The following SPATA13 variants were observed in gnomAD, a reference collection of about 807,000 sequenced individuals.
SPATA13 encodes spermatogenesis-associated protein 13.
SPATA13 carries 50 observed loss-of-function variants against 104.0 expected under a neutral mutation model. The ratio of observed to expected loss-of-function variants is 0.48; its 90% CI spans 0.38 to 0.61. The LOEUF is 0.61. Among genes scored for constraint, SPATA13 ranks in the 20% least tolerant of loss-of-function variants. The pLI, the probability that SPATA13 is intolerant of heterozygous loss-of-function variation, is 0.00. For synonymous variants in SPATA13, 606 were observed against 667.5 expected, an observed-to-expected ratio of 0.91 and a Z score of 1.42; for missense variants, 1,524 against 1,690.6, an observed-to-expected ratio of 0.90 and a Z score of 1.73.
chr13:24,253,559 A>G (rs1873621886), intron 4 of SPATA13, among the ~76,000 whole-genome samples: 1 of 152,202 alleles, frequency 6.6e-6, no homozygotes, highest in Non-Finnish European at 1.5e-5. Flanking sequence ...TGGAGAATAA[A>G]ACGTCATGCA....
chr13:24,168,388 A>T (rs1419076580), intron 1 of SPATA13, among the ~76,000 whole-genome samples: 1 of 152,174 alleles, frequency 6.6e-6, no homozygotes, highest in African/African-American at 2.4e-5. Context: ...TGTGAAAAAG[A>T]TAGATTATGT....
chr13:24,152,415 C>T (rs1454259593), intron 3 of SPATA13, among the ~76,000 whole-genome samples: 2 of 152,272 alleles, frequency 1.3e-5, no homozygotes, highest in African/African-American at 4.8e-5. Flanking sequence ...CCACTTTCCT[C>T]TGTGCCTACT....
chr13:24,275,482 A>AG (rs2138705735), intron 4 of SPATA13, among the ~76,000 whole-genome samples: 1 of 152,372 alleles, frequency 6.6e-6, no homozygotes, highest in African/African-American at 2.4e-5. Context: ...TTGATGACCA[A>AG]GGGTGTGCTC....
intron 1 of SPATA13, among the ~76,000 whole-genome samples, chr13:24,198,545 T>G (rs1870218426): frequency 6.6e-6 from 1 of 152,190 alleles, no homozygotes; most frequent in Non-Finnish European, 1.5e-5. Context: ...CGTTGTTGAG[T>G]TTGGCTTGGG....
intron 4 of SPATA13, among the ~76,000 whole-genome samples, chr13:24,275,028 C>G (rs558297380): frequency 7.2e-5 from 11 of 152,314 alleles, no homozygotes; most frequent in Admixed American, 2.6e-4. Context: ...TACCCTCCCC[C>G]ACTTATCAGT....
At chr13:24,005,561 T>G (rs531871973) in intron 2 of SPATA13, among the ~76,000 whole-genome samples, 1 of 152,248 alleles carries the variant, frequency 6.6e-6, no homozygotes, top group South Asian at 2.1e-4. Context: ...TTATACAGCT[T>G]TCTTCCCTGG....
chr13:24,203,780 G>A (rs899677526), intron 1 of SPATA13, among the ~76,000 whole-genome samples: 1 of 152,086 alleles, frequency 6.6e-6, no homozygotes, highest in African/African-American at 2.4e-5. Context: ...AAGAATTTTT[G>A]TAGTCTCTCC....
intron 4 of SPATA13, among the ~76,000 whole-genome samples, chr13:24,269,151 A>ACCCTT (rs1344572479): frequency 6.6e-6 from 1 of 152,142 alleles, no homozygotes; most frequent in Non-Finnish European, 1.5e-5. Flanking sequence ...AAACACTGCA[A>ACCCTT]TATGTTCTCG....
chr13:24,200,092 T>C (rs1870311761), intron 1 of SPATA13, among the ~76,000 whole-genome samples: 1 of 152,232 alleles, frequency 6.6e-6, no homozygotes, highest in South Asian at 2.1e-4. Flanking sequence ...TATTATTCTC[T>C]TTGCCAGACT....
intron 3 of SPATA13, among the ~76,000 whole-genome samples, chr13:24,044,728 A>C (rs1366531148): frequency 6.6e-6 from 1 of 152,158 alleles, no homozygotes; most frequent in African/African-American, 2.4e-5. Context: ...CATTATTGTT[A>C]ACTATAGTCA....
At chr13:24,201,738 C>T (rs1246059807) in intron 1 of SPATA13, among the ~76,000 whole-genome samples, 1 of 152,138 alleles carries the variant, frequency 6.6e-6, no homozygotes, top group Non-Finnish European at 1.5e-5. Context: ...CATGCCTGGC[C>T]TAGAGTTCAC....
intron 2 of SPATA13, among the ~76,000 whole-genome samples, chr13:23,998,576 A>G (rs1875801900): frequency 6.6e-6 from 1 of 152,202 alleles, no homozygotes; most frequent in Non-Finnish European, 1.5e-5. Flanking sequence ...TTAAATTTTG[A>G]TGAAATCCAG....
intron 1 of SPATA13, among the ~76,000 whole-genome samples, chr13:24,170,801 C>G (rs546440996): frequency 5.1e-4 from 77 of 152,218 alleles, no homozygotes; most frequent in Admixed American, 3.6e-3. Flanking sequence ...ACTGAAAGAC[C>G]TGGAAGCACC....
chr13:24,231,081 C>G (rs1176624243), intron 2 of SPATA13, among the ~76,000 whole-genome samples: 1 of 152,312 alleles, frequency 6.6e-6, no homozygotes, highest in East Asian at 1.9e-4. Flanking sequence ...TTCCCCACGC[C>G]TTTTACCAAT....
At position 24,248,697 on chromosome 13, in the gene SPATA13, C is replaced by T. The variant is rs73465838; in HGVS notation, c.1654-780C>T. ...GCCAGAGGCTGCTCGAGTGTTGGGTCCTGACAGCCCTGGACTTAGTCCTCT... is the reference window on the plus strand; with the variant it reads ...GCCAGAGGCTGCTCGAGTGTTGGGTTCTGACAGCCCTGGACTTAGTCCTCT... On this transcript the variant is annotated intron_variant, in intron 2 of 12. Coordinates refer to ENST00000382108, the MANE Select transcript of SPATA13 (RefSeq NM_001166271.3). Among the ~76,000 whole-genome samples, 417 of 152,200 alleles carry T rather than the reference C, an allele frequency of 2.7e-3. 1 individual carries two copies. The highest frequency in any genetic ancestry group is 9.6e-3 in the African/African-American group (400 of 41,534).
intron 2 of SPATA13, among the ~76,000 whole-genome samples, chr13:24,004,336 C>G (rs1347112236): frequency 6.6e-6 from 1 of 152,184 alleles, no homozygotes; most frequent in Non-Finnish European, 1.5e-5. Context: ...GAACAGATAC[C>G]ATTTACGGCA....
At chr13:24,027,134 G>GT (rs59906180) in intron 3 of SPATA13, among the ~76,000 whole-genome samples, 6,044 of 111,978 alleles carry the variant, frequency 0.054, 545 homozygotes, top group African/African-American at 0.064. Flanking sequence ...TTGTTTAGCC[G>GT]TTTTTTTTTT....
chr13:24,217,320 ATTC>A (rs995938210), intron 1 of SPATA13, among the ~76,000 whole-genome samples: 6 of 152,292 alleles, frequency 3.9e-5, no homozygotes, highest in East Asian at 1.9e-4. Context: ...TTTTATTACA[ATTC>A]TTCTTCCTAA....
At chr13:24,288,882 A>T in intron 7 of SPATA13, 117 bp from the exon 8 acceptor site, 1 of 848,926 alleles carries the variant, frequency 1.2e-6, no homozygotes, top group Non-Finnish European at 1.8e-6. Flanking sequence ...AGAGACTCAT[A>T]GAGTCTTTTT....
Sources: allele counts gnomAD v4.1 joint callset (sites outside exome capture counted in the v4.1 genomes callset), GRCh38; gene constraint gnomAD v4.1.1; transcripts MANE v1.5; gene names NCBI Gene and HGNC (gene_info 2026-07-23, HGNC 2026-07-21).